Variants in SLC24A2 observed in about 807,000 individuals in gnomAD.
SLC24A2 encodes solute carrier family 24 member 2.
In SLC24A2, 36 loss-of-function variants were observed where a neutral mutation model predicts 62.0. The ratio of observed to expected loss-of-function variants is 0.58; its 90% confidence interval spans 0.44 to 0.77. SLC24A2 has a LOEUF of 0.77. SLC24A2 is among the 30% of genes least tolerant of loss of function. The probability of loss-of-function intolerance (pLI) is 0.00; values close to 1 mark genes in which losing one functional copy is unlikely to be tolerated. For missense variants in SLC24A2, 846 were observed against 817.9 expected (o/e 1.03, Z -0.42); for synonymous variants, 358 against 294.0 (o/e 1.22, Z -2.23).
chr9:19,517,473 A>G (rs1333965018), intron 10 of SLC24A2, among the ~76,000 whole-genome samples: 2 of 152,216 alleles, frequency 1.3e-5, no homozygotes, highest in Admixed American at 6.5e-5. Context: ...GAGTTTACTC[A>G]TCTGCCTCCT....
chr9:19,974,482 T>C, the SLC24A2 span, among the ~76,000 whole-genome samples: 2 of 152,176 alleles, frequency 1.3e-5, no homozygotes, highest in Admixed American at 1.3e-4. Flanking sequence ...TTTGCCTGCT[T>C]TTGCCTTTAA....
At chr9:20,300,495 A>G in the SLC24A2 span, among the ~76,000 whole-genome samples, 1 of 152,180 alleles carries the variant, frequency 6.6e-6, no homozygotes, top group Non-Finnish European at 1.5e-5. Flanking sequence ...CTTTGTGTTA[A>G]AATCATGCTT....
the SLC24A2 span, among the ~76,000 whole-genome samples, chr9:20,001,641 G>A: frequency 6.6e-6 from 1 of 152,104 alleles, no homozygotes; most frequent in African/African-American, 2.4e-5. Context: ...CATGTCATCC[G>A]CCAACTTTGA....
chr9:19,560,567 C>T (rs1217492199), intron 7 of SLC24A2, among the ~76,000 whole-genome samples: 1 of 152,178 alleles, frequency 6.6e-6, no homozygotes, highest in Non-Finnish European at 1.5e-5. Flanking sequence ...AACGGAAGCC[C>T]TTACCAGAGA....
chr9:20,063,162 A>G, the SLC24A2 span, among the ~76,000 whole-genome samples: 45 of 146,716 alleles, frequency 3.1e-4, no homozygotes, highest in Admixed American at 2.2e-3. Context: ...AAAGGACTAT[A>G]AATCATGCTG....
chr9:20,130,793 T>C, the SLC24A2 span, among the ~76,000 whole-genome samples: 1 of 152,124 alleles, frequency 6.6e-6, no homozygotes, highest in Non-Finnish European at 1.5e-5. Context: ...TGTGTTAGAT[T>C]GCAGATGCAA....
intron 2 of SLC24A2, among the ~76,000 whole-genome samples, chr9:19,770,876 A>G (rs1381954233): frequency 6.6e-6 from 1 of 152,192 alleles, no homozygotes; most frequent in African/African-American, 2.4e-5. Flanking sequence ...ACAGCTCTTT[A>G]AATTTCTGTA....
intron 2 of SLC24A2, among the ~76,000 whole-genome samples, chr9:19,761,918 C>T (rs201558325): frequency 5.9e-5 from 9 of 152,148 alleles, no homozygotes; most frequent in South Asian, 2.1e-4. Flanking sequence ...TCTTTGCTGT[C>T]GTGAATAGTG....
At chr9:20,109,003 T>C in the SLC24A2 span, among the ~76,000 whole-genome samples, 1 of 152,144 alleles carries the variant, frequency 6.6e-6, no homozygotes, top group African/African-American at 2.4e-5. Context: ...TTTTCCATGT[T>C]TAGATGTGTT....
At chr9:20,019,107 A>C in the SLC24A2 span, among the ~76,000 whole-genome samples, 89 of 30,228 alleles carry the variant, frequency 2.9e-3, 2 homozygotes, top group East Asian at 0.15. Flanking sequence ...GAAAGATAGA[A>C]AGAAAGAAAG....
chr9:19,890,160 G>C, the SLC24A2 span, among the ~76,000 whole-genome samples: 1 of 152,144 alleles, frequency 6.6e-6, no homozygotes, highest in African/African-American at 2.4e-5. Context: ...CTAAATATCT[G>C]TTTACTCAAT....
chr9:19,985,041 C>T, the SLC24A2 span, among the ~76,000 whole-genome samples: 3 of 151,130 alleles, frequency 2.0e-5, no homozygotes, highest in Non-Finnish European at 2.9e-5. Context: ...CATCAATGCA[C>T]ACCACTAGGA....
intron 2 of SLC24A2, among the ~76,000 whole-genome samples, chr9:19,746,570 C>T (rs1821838550): frequency 6.6e-6 from 1 of 151,960 alleles, no homozygotes. Context: ...ATAAAATATA[C>T]CCAAGGGCAT....
chr9:19,824,761 G>A, the SLC24A2 span, among the ~76,000 whole-genome samples: 1 of 152,108 alleles, frequency 6.6e-6, no homozygotes. Context: ...CAAAGATTTG[G>A]AATCAACCCA....
the SLC24A2 span, among the ~76,000 whole-genome samples, chr9:19,944,607 C>T: frequency 2.6e-5 from 4 of 152,154 alleles, no homozygotes; most frequent in Admixed American, 2.6e-4. Flanking sequence ...AAGACGTAAA[C>T]GCCATTTTCC....
the SLC24A2 span, among the ~76,000 whole-genome samples, chr9:19,923,330 T>C: frequency 6.6e-6 from 1 of 152,234 alleles, no homozygotes; most frequent in South Asian, 2.1e-4. Context: ...CGTTTAACAT[T>C]GAGGTGGTGG....
At chr9:19,897,558 T>C in the SLC24A2 span, among the ~76,000 whole-genome samples, 1 of 152,176 alleles carries the variant, frequency 6.6e-6, no homozygotes. Flanking sequence ...AAAGTCCATA[T>C]AAAACAACAG....
At chr9:20,090,794 G>T in the SLC24A2 span, among the ~76,000 whole-genome samples, 1 of 152,164 alleles carries the variant, frequency 6.6e-6, no homozygotes, top group South Asian at 2.1e-4. Flanking sequence ...CAAATGGCAA[G>T]AGCGTCTGAT....
At chr9:20,292,619 T>C in the SLC24A2 span, among the ~76,000 whole-genome samples, 2 of 152,252 alleles carry the variant, frequency 1.3e-5, no homozygotes, top group East Asian at 3.9e-4. Flanking sequence ...TTTCGTTTTG[T>C]TTTTGGGATA....
Sources: allele counts gnomAD v4.1 joint callset (sites outside exome capture counted in the v4.1 genomes callset), GRCh38; gene constraint gnomAD v4.1.1; transcripts MANE v1.5; gene names NCBI Gene and HGNC (gene_info 2026-07-23, HGNC 2026-07-21).